Variants in COL26A1 observed in about 807,000 individuals in gnomAD.
COL26A1 encodes collagen alpha-1(XXVI) chain.
A neutral mutation model predicts 59.3 loss-of-function variants in COL26A1; 41 were observed. That is an observed-to-expected ratio of 0.69 (90% CI 0.54 to 0.90). The LOEUF (loss-of-function observed/expected upper bound fraction) is 0.90, where lower values mean the gene tolerates loss of function less well. Among genes scored for constraint, COL26A1 ranks in the 40% least tolerant of loss-of-function variants. The pLI, the probability that COL26A1 is intolerant of heterozygous loss-of-function variation, is 0.00. For missense variants in COL26A1, 612 were observed against 602.3 expected (o/e 1.02, Z -0.17); for synonymous variants, 266 against 256.0 (o/e 1.04, Z -0.37).
chr7:101,537,230 G>C lies in COL26A1; in HGVS notation c.448-2663G>C, dbSNP rs146925159. Among the ~76,000 whole-genome samples, 936 of 152,358 alleles carry C rather than the reference G, an allele frequency of 6.1e-3. 15 individuals are homozygous for C. The highest frequency in any genetic ancestry group is 0.021 in the African/African-American group (881 of 41,594). On this transcript the variant is annotated intron_variant, in intron 4 of 12. Transcript: ENST00000313669. ...TCTGCCACCCTCTATTCCTGGGACA[G>C]GCTGGCAGGCAGAAGGCCAGCAGGG...
intron 3 of COL26A1, among the ~76,000 whole-genome samples, chr7:101,520,197 C>G (rs893758199): frequency 6.6e-6 from 1 of 152,078 alleles, no homozygotes; most frequent in Admixed American, 6.6e-5. Flanking sequence ...TCCAGAAGTC[C>G]CCCCGGAGCA....
intron 1 of COL26A1, among the ~76,000 whole-genome samples, chr7:101,392,397 CTTTTT>C (rs34053990): frequency 4.7e-4 from 41 of 86,624 alleles, no homozygotes; most frequent in African/African-American, 1.6e-3. Context: ...AACAACCAGG[CTTTTT>C]TTTTTTTTTT....
rs1312784638 is a variant in COL26A1 at position 101,544,104 on chromosome 7, A to G, written c.703+8A>G. On this transcript the variant is annotated splice_region_variant and intron_variant, in intron 6 of 12. Transcript: ENST00000313669. ...GTCCAGCGGGGCCGCCTGGTAAGAAAACCCCCCACATATGTGATGTTGTCA... is the reference window on the plus strand; with the variant it reads ...GTCCAGCGGGGCCGCCTGGTAAGAAGACCCCCCACATATGTGATGTTGTCA... 1 of 1,589,912 alleles carries G rather than the reference A, an allele frequency of 6.3e-7. No individual in the cohort carries two copies. Among genetic ancestry groups the G allele is most frequent in the East Asian group, 2.3e-5 (1 of 44,086 alleles).
At chr7:101,552,572 G>A (rs1237069350) in intron 10 of COL26A1, among the ~76,000 whole-genome samples, 20 of 151,812 alleles carry the variant, frequency 1.3e-4, no homozygotes, top group Admixed American at 2.6e-4. Context: ...AGCCATGATC[G>A]CGTCACTATA....
At chr7:101,394,986 C>T (rs1214288318) in intron 1 of COL26A1, among the ~76,000 whole-genome samples, 1 of 149,108 alleles carries the variant, frequency 6.7e-6, no homozygotes. Flanking sequence ...GATTCTCGTG[C>T]CCCAGCCCCT....
chr7:101,387,763 TATATATATATATA>T (rs373270778), intron 1 of COL26A1, among the ~76,000 whole-genome samples: 5,209 of 64,452 alleles, frequency 0.081, 229 homozygotes, highest in Middle Eastern at 0.15. Flanking sequence ...TTTATATATA[TATATATATATATA>T]TATTTTTTTT....
intron 3 of COL26A1, among the ~76,000 whole-genome samples, chr7:101,458,000 G>A (rs768204903): frequency 7.3e-5 from 11 of 150,800 alleles, no homozygotes; most frequent in East Asian, 2.0e-4. Context: ...GGGTTCAAGC[G>A]ATTCTCCTGC....
chr7:101,540,436 G>C (rs1231135022), intron 5 of COL26A1, among the ~76,000 whole-genome samples: 2 of 151,650 alleles, frequency 1.3e-5, no homozygotes. Flanking sequence ...TACTCAGGAG[G>C]CTGAGGCAGG....
At chr7:101,491,106 A>G (rs1042050436) in intron 3 of COL26A1, among the ~76,000 whole-genome samples, 3 of 151,444 alleles carry the variant, frequency 2.0e-5, no homozygotes, top group Non-Finnish European at 4.4e-5. Flanking sequence ...CTATTACCTT[A>G]AGCCCTGTGA....
chr7:101,463,284 C>G (rs1165291194), intron 3 of COL26A1, among the ~76,000 whole-genome samples: 1 of 152,098 alleles, frequency 6.6e-6, no homozygotes, highest in Non-Finnish European at 1.5e-5. Context: ...TTTTTTGTGA[C>G]TGCCTTATTT....
intron 1 of COL26A1, among the ~76,000 whole-genome samples, chr7:101,407,011 T>C (rs1034942657): frequency 1.3e-5 from 2 of 152,066 alleles, no homozygotes; most frequent in Non-Finnish European, 2.9e-5. Context: ...TCTTTTCCAA[T>C]AGGGTGAGTC....
rs367833942 is a variant in COL26A1, at chr7:101,362,880, C to T, written c.-153C>T. On this transcript the variant is annotated 5_prime_UTR_variant, in exon 1 of 13. Coordinates refer to ENST00000313669, the MANE Select transcript of COL26A1 (RefSeq NM_001278563.3). Reference sequence around the variant, plus strand: ...GGCCCCGGAGAGGCGTGGGCGCCCCCCACACATTTCCAGCTCGCACCCGGG... The same window carrying T: ...GGCCCCGGAGAGGCGTGGGCGCCCCTCACACATTTCCAGCTCGCACCCGGG... 896 of 720,094 alleles carry T rather than the reference C, an allele frequency of 1.2e-3. 4 individuals carry two copies. In the African/African-American group the frequency reaches 0.014, roughly 11 times the overall value. 44.6% of individuals were successfully genotyped at this position (720,094 alleles called of 1,614,324 possible). A position where few individuals can be genotyped will look rare whatever the true frequency, so the allele number is the denominator to read the frequency against.
intron 1 of COL26A1, among the ~76,000 whole-genome samples, chr7:101,409,729 G>A (rs1028974220): frequency 6.6e-6 from 1 of 152,212 alleles, no homozygotes; most frequent in Non-Finnish European, 1.5e-5. Flanking sequence ...ACAGGAGATA[G>A]TTCTCAAATC....
At chr7:101,369,624 TA>T (rs1325528759) in intron 1 of COL26A1, among the ~76,000 whole-genome samples, 1 of 150,996 alleles carries the variant, frequency 6.6e-6, no homozygotes, top group African/African-American at 2.4e-5. Flanking sequence ...AATATTTTTG[TA>T]TTTTTTTTTA....
intron 4 of COL26A1, among the ~76,000 whole-genome samples, chr7:101,537,383 G>T (rs777257053): frequency 1.3e-5 from 2 of 152,218 alleles, no homozygotes; most frequent in Non-Finnish European, 2.9e-5. Context: ...GGTGCAGAGG[G>T]CAGTGTCCCG....
chr7:101,502,767 G>A (rs112953038), intron 3 of COL26A1, among the ~76,000 whole-genome samples: 202 of 152,332 alleles, frequency 1.3e-3, no homozygotes, highest in African/African-American at 4.5e-3. Flanking sequence ...GTCTAGGGAC[G>A]CATGCCCCCC....
At chr7:101,521,636 G>T (rs1228298561) in intron 3 of COL26A1, among the ~76,000 whole-genome samples, 1 of 152,168 alleles carries the variant, frequency 6.6e-6, no homozygotes, top group Non-Finnish European at 1.5e-5. Context: ...AGCACATAGG[G>T]TGACAAGGTT....
chr7:101,525,254 T>C (rs558998957), intron 3 of COL26A1, among the ~76,000 whole-genome samples: 1 of 143,606 alleles, frequency 7.0e-6, no homozygotes, highest in East Asian at 2.2e-4. Context: ...TGATCTCAGC[T>C]CTCTACAACC....
At chr7:101,505,942 G>T (rs1414966532) in intron 3 of COL26A1, among the ~76,000 whole-genome samples, 1 of 152,162 alleles carries the variant, frequency 6.6e-6, no homozygotes, top group Admixed American at 6.5e-5. Flanking sequence ...TGACACAGTG[G>T]TATTACAGAC....
Sources: allele counts gnomAD v4.1 joint callset (sites outside exome capture counted in the v4.1 genomes callset), GRCh38; gene constraint gnomAD v4.1.1; transcripts MANE v1.5; gene names NCBI Gene and HGNC (gene_info 2026-07-23, HGNC 2026-07-21).